The following TXNRD3 variants were observed in gnomAD, a reference collection of about 807,000 sequenced individuals.
TXNRD3 encodes TXNRD3 neighbor gene protein.
In TXNRD3, 68 loss-of-function variants were observed where a neutral mutation model predicts 78.2. The observed-to-expected ratio is 0.87, with a 90% confidence interval of 0.72 to 1.06. TXNRD3 has a LOEUF of 1.06. Ranked by LOEUF, TXNRD3 falls within the 50% of genes least tolerant of loss-of-function variation. The pLI is 0.00. For synonymous variants in TXNRD3, 296 were observed against 300.1 expected (o/e 0.99, Z 0.14); for missense variants, 751 against 809.5 (o/e 0.93, Z 0.88).
chr3:126,626,916 C>A (rs1056189722), intron 10 of TXNRD3, among the ~76,000 whole-genome samples: 5 of 151,862 alleles, frequency 3.3e-5, no homozygotes, highest in Admixed American at 6.6e-5. Context: ...CACAGTGAGA[C>A]CCCAACCGTA....
chr3:126,649,267 G>C (rs1225018776), intron 1 of TXNRD3, among the ~76,000 whole-genome samples: 1 of 152,200 alleles, frequency 6.6e-6, no homozygotes, highest in Non-Finnish European at 1.5e-5. Flanking sequence ...CTAATCTTTA[G>C]TGAAACGTGA....
chr3:126,611,445 TG>T (rs558561126), intron 13 of TXNRD3, among the ~76,000 whole-genome samples: 16 of 152,182 alleles, frequency 1.1e-4, no homozygotes, highest in Non-Finnish European at 1.8e-4. Context: ...CAGGCTCTCG[TG>T]TGGGCTGCAG....
intron 13 of TXNRD3, among the ~76,000 whole-genome samples, chr3:126,614,441 A>C (rs1046605588): frequency 3.3e-5 from 5 of 152,198 alleles, no homozygotes; most frequent in African/African-American, 1.2e-4. Flanking sequence ...AAAGTTTTAA[A>C]ACTAAATGTT....
chr3:126,632,712 GA>G (rs1232138838), intron 7 of TXNRD3, among the ~76,000 whole-genome samples: 22 of 149,568 alleles, frequency 1.5e-4, no homozygotes, highest in African/African-American at 5.2e-4. Flanking sequence ...AACAAAAAAA[GA>G]AAAAAACCAT....
intron 6 of TXNRD3, among the ~76,000 whole-genome samples, chr3:126,637,101 T>C (rs975593342): frequency 1.3e-5 from 2 of 152,210 alleles, no homozygotes; most frequent in Non-Finnish European, 2.9e-5. Flanking sequence ...ACACTAATGG[T>C]ACCTTTTGGA....
intron 14 of TXNRD3, among the ~76,000 whole-genome samples, chr3:126,609,751 C>T (rs925890857): frequency 2.0e-5 from 3 of 152,098 alleles, no homozygotes; most frequent in Admixed American, 6.5e-5. Context: ...AGATGGGAAA[C>T]GGGGCTGACA....
chr3:126,633,736 A>C (rs1938781322), intron 7 of TXNRD3, among the ~76,000 whole-genome samples, 173 bp downstream of exon 7: 1 of 152,230 alleles, frequency 6.6e-6, no homozygotes, highest in African/African-American at 2.4e-5. Flanking sequence ...TTAACCAAAC[A>C]TGTAGAATTA....
chr3:126,621,622 G>A, intron 12 of TXNRD3, 120 bp downstream of exon 12: 2 of 979,136 alleles, frequency 2.0e-6, no homozygotes, highest in Non-Finnish European at 2.9e-6. Flanking sequence ...TAAGTCTACT[G>A]CAAATTATAT....
At chr3:126,644,504 C>G (rs1255216154) in intron 3 of TXNRD3, 103 bp from the exon 4 acceptor site, 3 of 795,458 alleles carry the variant, frequency 3.8e-6, no homozygotes, top group Non-Finnish European at 5.7e-6. Flanking sequence ...TTATAAAAAT[C>G]TTAGGAAAAA....
At chr3:126,608,662 T>TCCCA (rs1167018453) in intron 14 of TXNRD3, 29 bp from the exon 15 acceptor site, 1 of 1,527,858 alleles carries the variant, frequency 6.5e-7, no homozygotes, top group Admixed American at 2.0e-5. Context: ...ACAAAGAGAA[T>TCCCA]CCCAGTAGGT....
chr3:126,633,967 T>C lies in TXNRD3; in HGVS notation c.797A>G (p.Glu266Gly), dbSNP rs763323662. The stretch of plus-strand genomic sequence containing the variant: ...GGAATTGACATAGGCCACAGCCTTT[T>C]CCCTCAGAGACAACCTGTAGCCCCA... Residue 266 changes from glutamate to glycine, a missense_variant, in exon 7 of 16, where the codon GAA (glutamate) becomes GGA (glycine). Coordinates refer to ENST00000524230, the MANE Select transcript of TXNRD3 (RefSeq NM_052883.3). 4 of 1,521,814 alleles carry C rather than the reference T, an allele frequency of 2.6e-6. No individual in the cohort carries two copies. The highest frequency in any genetic ancestry group is 3.5e-6 in the Non-Finnish European group (4 of 1,138,464). 94.3% of individuals were successfully genotyped at this position (1,521,814 alleles called of 1,614,324 possible).
intron 11 of TXNRD3, 135 bp from the exon 12 acceptor site, chr3:126,622,033 T>C (rs1477952946): frequency 1.5e-6 from 1 of 671,236 alleles, no homozygotes; most frequent in Non-Finnish European, 2.2e-6. Context: ...ATCAATTATA[T>C]ATAAGGTCAA....
At chr3:126,641,698 T>C (rs1933092813) in intron 6 of TXNRD3, among the ~76,000 whole-genome samples, 1 of 152,184 alleles carries the variant, frequency 6.6e-6, no homozygotes, top group African/African-American at 2.4e-5. Context: ...TGAGAAAAAA[T>C]GTTATAATAA....
chr3:126,646,663 C>A (rs1271881342), intron 2 of TXNRD3, among the ~76,000 whole-genome samples: 2 of 152,146 alleles, frequency 1.3e-5, no homozygotes, highest in East Asian at 1.9e-4. Flanking sequence ...TATTGGTAAA[C>A]CCTTTAGAAA....
intron 1 of TXNRD3, among the ~76,000 whole-genome samples, chr3:126,648,227 T>C (rs1275020403): frequency 6.6e-6 from 1 of 152,192 alleles, no homozygotes; most frequent in African/African-American, 2.4e-5. Flanking sequence ...TTAAATAAGA[T>C]AGCAACAAAT....
intron 6 of TXNRD3, among the ~76,000 whole-genome samples, chr3:126,638,674 G>A (rs746301332): frequency 1.4e-4 from 21 of 152,090 alleles, no homozygotes; most frequent in Admixed American, 1.1e-3. Flanking sequence ...ATGGAGGAAC[G>A]CAGTGAGCTG....
chr3:126,638,184 C>G (rs939536206), intron 6 of TXNRD3, among the ~76,000 whole-genome samples: 5 of 151,984 alleles, frequency 3.3e-5, no homozygotes, highest in African/African-American at 7.2e-5. Context: ...ACCTCGTGAT[C>G]CGCCCGCCTC....
chr3:126,640,535 C>T (rs535006534), intron 6 of TXNRD3, among the ~76,000 whole-genome samples: 112 of 152,254 alleles, frequency 7.4e-4, no homozygotes, highest in South Asian at 7.1e-3. Context: ...CACCTGGCTA[C>T]GGTCAGAACC....
intron 15 of TXNRD3, 92 bp downstream of exon 15, chr3:126,608,407 T>C: frequency 8.0e-7 from 1 of 1,249,706 alleles, no homozygotes; most frequent in Non-Finnish European, 1.1e-6. Context: ...TACAAATCAG[T>C]TACTAATATG....
Sources: gnomAD v4.1 joint callset for allele counts (sites outside exome capture counted in the v4.1 genomes callset) on GRCh38, gnomAD v4.1.1 for gene constraint, MANE v1.5 for transcripts, NCBI Gene and HGNC (gene_info 2026-07-23, HGNC 2026-07-21) for gene names.